Variants in CLYBL observed in about 807,000 individuals in gnomAD.
The protein encoded by CLYBL is citramalyl-CoA lyase, mitochondrial.
A neutral mutation model predicts 38.9 loss-of-function variants in CLYBL; 31 were observed. That is an observed-to-expected ratio of 0.80 (90% CI 0.60 to 1.08). The LOEUF is 1.08. Ranked by LOEUF, CLYBL falls within the 50% of genes least tolerant of loss-of-function variation. CLYBL has a pLI of 0.00. For synonymous variants in CLYBL, 171 were observed against 158.6 expected (o/e 1.08, Z -0.59); for missense variants, 434 against 411.6 (o/e 1.05, Z -0.47).
chr13:99,673,128 CAG>C (rs2031281817), intron 1 of CLYBL, among the ~76,000 whole-genome samples: 1 of 152,010 alleles, frequency 6.6e-6, no homozygotes, highest in African/African-American at 2.4e-5. Flanking sequence ...AAAGGTGCAA[CAG>C]GGGCCAGGCA....
chr13:99,821,398 A>G (rs906430704), intron 2 of CLYBL, among the ~76,000 whole-genome samples: 1 of 152,248 alleles, frequency 6.6e-6, no homozygotes, highest in Non-Finnish European at 1.5e-5. Context: ...GACTACACCA[A>G]TGAACAGATG....
chr13:99,644,203 TATGTGTATATGTG>T (rs1405316551), intron 1 of CLYBL, among the ~76,000 whole-genome samples: 1 of 74,224 alleles, frequency 1.3e-5, no homozygotes, highest in Admixed American at 1.2e-4. Flanking sequence ...ATATGTGGTG[TATGTGTATATGTG>T]GTGTATGTAT....
At chr13:99,612,866 T>G (rs2046649219) in intron 1 of CLYBL, among the ~76,000 whole-genome samples, 1 of 151,742 alleles carries the variant, frequency 6.6e-6, no homozygotes, top group Non-Finnish European at 1.5e-5. Flanking sequence ...ATTTTAAAAG[T>G]TAGCTGGATG....
intron 1 of CLYBL, among the ~76,000 whole-genome samples, chr13:99,636,125 A>C (rs2047015033): frequency 6.6e-6 from 1 of 152,180 alleles, no homozygotes; most frequent in African/African-American, 2.4e-5. Flanking sequence ...AATTTCACGT[A>C]ATGTGAAATT....
chr13:99,610,448 T>A (rs1034258143), intron 1 of CLYBL, among the ~76,000 whole-genome samples: 2 of 151,570 alleles, frequency 1.3e-5, no homozygotes, highest in Non-Finnish European at 2.9e-5. Context: ...CAGGGTTTAT[T>A]GTTGTTGTTG....
At chr13:99,765,153 C>T (rs1432807508) in intron 1 of CLYBL, among the ~76,000 whole-genome samples, 1 of 151,502 alleles carries the variant, frequency 6.6e-6, no homozygotes, top group South Asian at 2.1e-4. Context: ...TTTCATTTGC[C>T]TGGGAAAAAC....
chr13:99,639,968 A>T (rs1265560509), intron 1 of CLYBL, among the ~76,000 whole-genome samples: 1 of 152,248 alleles, frequency 6.6e-6, no homozygotes, highest in South Asian at 2.1e-4. Flanking sequence ...GGGATAAAAT[A>T]TTCAAAAGTG....
In CLYBL at chr13:99,772,824, G is replaced by C. The variant is rs778089413; in HGVS notation, c.63G>C (p.Leu21=). 2.6e-5 allele frequency: 42 copies of C among 1,587,086 alleles called. No individual in the cohort carries two copies. Among genetic ancestry groups the C allele is most frequent in the Non-Finnish European group, 3.3e-5 (39 of 1,172,714 alleles). The change falls in exon 2 of 9, where the codon CTG becomes CTC. Residue 21 remains leucine (L), a splice_region_variant and synonymous_variant. Coordinates refer to ENST00000339105, the MANE Select transcript of CLYBL (RefSeq NM_206808.5). The stretch of plus-strand genomic sequence containing the variant: ...CTAACCCCAATCACGTGTCTTGCAG[G>C]AAAGCGTCTCTAGCAGCTGATATCC... ...RGAAAAALLR[L]KASLAADIPR... is the part of the protein sequence containing the mutation.
At chr13:99,609,282 T>A (rs1182569713) in intron 1 of CLYBL, among the ~76,000 whole-genome samples, 1 of 148,528 alleles carries the variant, frequency 6.7e-6, no homozygotes, top group Admixed American at 6.8e-5. Flanking sequence ...GTTCAAGCGA[T>A]TCTCCTGCTC....
chr13:99,852,830 A>G (rs958162306), intron 2 of CLYBL, among the ~76,000 whole-genome samples: 3 of 152,142 alleles, frequency 2.0e-5, no homozygotes, highest in African/African-American at 7.2e-5. Context: ...TTCTCCCATT[A>G]ATGTTTACTC....
chr13:99,724,981 C>G (rs2048449417), intron 1 of CLYBL, among the ~76,000 whole-genome samples: 1 of 152,192 alleles, frequency 6.6e-6, no homozygotes. Flanking sequence ...CTTCTCTTTT[C>G]TTTTGTGCTA....
At chr13:99,878,789 G>A (rs1458164641) in intron 7 of CLYBL, among the ~76,000 whole-genome samples, 1 of 152,064 alleles carries the variant, frequency 6.6e-6, no homozygotes, top group Admixed American at 6.5e-5. Flanking sequence ...AGCATACTTG[G>A]CTTTATTTTT....
intron 1 of CLYBL, among the ~76,000 whole-genome samples, chr13:99,716,176 T>G (rs2048310062): frequency 7.6e-5 from 5 of 65,796 alleles, no homozygotes; most frequent in African/African-American, 2.7e-4. Context: ...GTAATTTTTT[T>G]TTTTTTTTTT....
intron 7 of CLYBL, among the ~76,000 whole-genome samples, chr13:99,880,939 C>T (rs1045944419): frequency 2.0e-5 from 3 of 152,208 alleles, no homozygotes; most frequent in Non-Finnish European, 4.4e-5. Context: ...ACCTCCTGCA[C>T]GACCCCCAAA....
chr13:99,661,291 C>T (rs1008191659), intron 1 of CLYBL, among the ~76,000 whole-genome samples: 1 of 152,022 alleles, frequency 6.6e-6, no homozygotes, highest in African/African-American at 2.4e-5. Context: ...TTCCCTTAAA[C>T]CATGAATTAG....
At chr13:99,890,510 T>C (rs2052461522) in intron 7 of CLYBL, among the ~76,000 whole-genome samples, 1 of 152,154 alleles carries the variant, frequency 6.6e-6, no homozygotes, top group Admixed American at 6.5e-5. Context: ...CTGTCACTCA[T>C]GCTGGAGTGC....
chr13:99,730,577 G>A (rs2048570981), intron 1 of CLYBL, among the ~76,000 whole-genome samples: 1 of 152,184 alleles, frequency 6.6e-6, no homozygotes, highest in African/African-American at 2.4e-5. Context: ...GGGTGAGCCT[G>A]GGGACAGTGG....
intron 2 of CLYBL, among the ~76,000 whole-genome samples, chr13:99,856,887 C>T (rs1026283573): frequency 6.6e-6 from 1 of 151,818 alleles, no homozygotes; most frequent in Non-Finnish European, 1.5e-5. Flanking sequence ...GATCCACCCC[C>T]TCAGCCTCTC....
At chr13:99,871,142 A>G (rs1350002677) in intron 7 of CLYBL, 80 bp downstream of exon 7, 4 of 1,496,362 alleles carry the variant, frequency 2.7e-6, no homozygotes, top group East Asian at 2.3e-5. Context: ...TGTTGTGTGA[A>G]TGGTTTAAGA....
Sources: allele counts gnomAD v4.1 joint callset (sites outside exome capture counted in the v4.1 genomes callset), GRCh38; gene constraint gnomAD v4.1.1; transcripts MANE v1.5; gene names NCBI Gene and HGNC (gene_info 2026-07-23, HGNC 2026-07-21).